The following ELP3 variants were observed in gnomAD, a reference collection of about 807,000 sequenced individuals.
The protein encoded by ELP3 is elongator acetyltransferase complex subunit 3.
ELP3 carries 56 observed loss-of-function variants against 74.9 expected under a neutral mutation model. That is an observed-to-expected ratio of 0.75 (90% CI 0.60 to 0.93). The LOEUF is 0.93. Among genes scored for constraint, ELP3 ranks in the 40% least tolerant of loss-of-function variants. The pLI is 0.00. For missense variants in ELP3, 573 were observed against 686.5 expected (o/e 0.83, Z 1.85); for synonymous variants, 222 against 239.8 (o/e 0.93, Z 0.68).
upstream of ELP3, among the ~76,000 whole-genome samples, chr8:28,090,937 C>T (rs1811035805): frequency 7.3e-6 from 1 of 136,756 alleles, no homozygotes; most frequent in African/African-American, 2.8e-5. Flanking sequence ...GCCGGAGTCT[C>T]ACTGTGTCGC....
chr8:28,150,904 C>G (rs1813617004), intron 10 of ELP3, among the ~76,000 whole-genome samples: 1 of 152,128 alleles, frequency 6.6e-6, no homozygotes, highest in South Asian at 2.1e-4. Flanking sequence ...AGCCATTCTC[C>G]CACCTCAGCC....
In ELP3 at chr8:28,137,781, G is replaced by A; in HGVS notation, c.990G>A (p.Glu330=). 1 of 1,614,098 alleles carries A rather than the reference G, an allele frequency of 6.2e-7. No individual in the cohort carries two copies. Among genetic ancestry groups the A allele is most frequent in the Non-Finnish European group, 8.5e-7 (1 of 1,180,022 alleles). Residue 330 remains glutamate (E), a synonymous_variant, in exon 10 of 15, where the codon GAG becomes GAA. Coordinates refer to ENST00000256398, the MANE Select transcript of ELP3 (RefSeq NM_018091.6). ...TLVIRGTGLY[E]LWKSGRYKSY... is the part of the protein sequence containing the mutation. ...TGATTCGTGGGACCGGGCTTTATGA[G>A]CTTTGGAAATCAGGAAGATATAAGA...
intron 14 of ELP3, among the ~76,000 whole-genome samples, chr8:28,173,209 A>T (rs1814601761): frequency 6.6e-6 from 1 of 152,048 alleles, no homozygotes; most frequent in Non-Finnish European, 1.5e-5. Flanking sequence ...ATTGGTATTA[A>T]TTCTTCAATT....
chr8:28,180,760 A>C (rs181065059), intron 14 of ELP3, among the ~76,000 whole-genome samples: 2 of 152,310 alleles, frequency 1.3e-5, no homozygotes, highest in East Asian at 3.9e-4. Flanking sequence ...TTTATCTAGA[A>C]GATTCCTATC....
At chr8:28,127,059 TTGC>T (rs1234868294) in intron 7 of ELP3, among the ~76,000 whole-genome samples, 1 of 152,218 alleles carries the variant, frequency 6.6e-6, no homozygotes, top group Non-Finnish European at 1.5e-5. Context: ...ACCATTTCTG[TTGC>T]TGCAAAAGGT....
intron 14 of ELP3, among the ~76,000 whole-genome samples, chr8:28,176,993 C>T (rs1225658384): frequency 2.0e-5 from 3 of 152,158 alleles, no homozygotes; most frequent in African/African-American, 4.8e-5. Flanking sequence ...TGTAAGTTAC[C>T]ATGGTAGTAT....
intron 4 of ELP3, among the ~76,000 whole-genome samples, chr8:28,107,290 A>T (rs565838818): frequency 2.0e-5 from 3 of 152,202 alleles, no homozygotes; most frequent in African/African-American, 7.2e-5. Flanking sequence ...ATTTTAATTT[A>T]TTGCAATATA....
intron 7 of ELP3, among the ~76,000 whole-genome samples, chr8:28,125,759 C>CTTTT (rs755484214): frequency 3.4e-4 from 31 of 92,152 alleles, no homozygotes; most frequent in Admixed American, 6.5e-4. Context: ...AGTCATTTCT[C>CTTTT]TTTTTTTTTT....
chr8:28,166,159 G>A (rs1814298270), intron 14 of ELP3, among the ~76,000 whole-genome samples: 1 of 152,152 alleles, frequency 6.6e-6, no homozygotes, highest in African/African-American at 2.4e-5. Flanking sequence ...GAAAAAAGAA[G>A]ATGTGTGAAA....
At chr8:28,160,764 G>A (rs895693151) in intron 13 of ELP3, among the ~76,000 whole-genome samples, 4 of 145,504 alleles carry the variant, frequency 2.7e-5, no homozygotes, top group African/African-American at 1.1e-4. Flanking sequence ...GCGTGATCTT[G>A]GCTCACTGCA....
At chr8:28,188,460 C>A (rs949476894) in intron 14 of ELP3, among the ~76,000 whole-genome samples, 1 of 151,932 alleles carries the variant, frequency 6.6e-6, no homozygotes, top group African/African-American at 2.4e-5. Flanking sequence ...ACCTTCAGCC[C>A]CACCCTCCCT....
At chr8:28,141,231 A>C (rs1444841480) in intron 10 of ELP3, among the ~76,000 whole-genome samples, 1 of 152,210 alleles carries the variant, frequency 6.6e-6, no homozygotes, top group Non-Finnish European at 1.5e-5. Flanking sequence ...AATAGGACAA[A>C]TCACAATTCT....
chr8:28,148,211 A>C (rs1214826212), intron 10 of ELP3, among the ~76,000 whole-genome samples: 1 of 152,216 alleles, frequency 6.6e-6, no homozygotes, highest in African/African-American at 2.4e-5. Context: ...GTAATACTAC[A>C]ATAGCATTAG....
intron 14 of ELP3, among the ~76,000 whole-genome samples, chr8:28,185,689 C>T (rs759801492): frequency 1.3e-5 from 2 of 152,142 alleles, no homozygotes; most frequent in African/African-American, 2.4e-5. Flanking sequence ...ACAGAATGGG[C>T]GGCTGCTGAG....
intron 10 of ELP3, among the ~76,000 whole-genome samples, chr8:28,155,063 T>C (rs954763985): frequency 2.0e-5 from 3 of 152,160 alleles, no homozygotes; most frequent in Non-Finnish European, 4.4e-5. Flanking sequence ...TTTGAAGGGA[T>C]AAGTGAAAAG....
At chr8:28,165,409 C>G (rs2015443) in intron 14 of ELP3, among the ~76,000 whole-genome samples, 221 of 152,052 alleles carry the variant, frequency 1.5e-3, no homozygotes, top group African/African-American at 5.1e-3. Context: ...TTTGTGAATG[C>G]CTGTTAACTT....
At chr8:28,092,561 C>T (rs1563240845), upstream of ELP3, among the ~76,000 whole-genome samples, 2 of 152,068 alleles carry the variant, frequency 1.3e-5, no homozygotes, top group Admixed American at 6.6e-5. Context: ...TTTTCTTTGG[C>T]AGAGTTTAGG....
intron 10 of ELP3, among the ~76,000 whole-genome samples, chr8:28,155,408 T>C (rs1029240972): frequency 6.6e-6 from 1 of 152,212 alleles, no homozygotes; most frequent in Non-Finnish European, 1.5e-5. Flanking sequence ...TTAGGCAAGC[T>C]GTTATTCCTC....
At position 28,144,407 on chromosome 8, in the gene ELP3, C is replaced by T. The variant is rs148130729; in HGVS notation, c.1100+6516C>T. ...GGTAGATCGCTTGAGCCTAGGAGTTCAAGACCAGCCTGGGAAACACGGTGA... is the reference window on the plus strand; with the variant it reads ...GGTAGATCGCTTGAGCCTAGGAGTTTAAGACCAGCCTGGGAAACACGGTGA... On this transcript the variant is annotated intron_variant, in intron 10 of 14. Coordinates refer to ENST00000256398, the MANE Select transcript of ELP3 (RefSeq NM_018091.6). Among the ~76,000 whole-genome samples, 1,480 of 152,254 alleles carry T rather than the reference C, an allele frequency of 9.7e-3. 23 individuals carry two copies. The highest frequency in any genetic ancestry group is 0.033 in the African/African-American group (1,390 of 41,528).
Sources: allele counts gnomAD v4.1 joint callset (sites outside exome capture counted in the v4.1 genomes callset), GRCh38; gene constraint gnomAD v4.1.1; transcripts MANE v1.5; gene names NCBI Gene and HGNC (gene_info 2026-07-23, HGNC 2026-07-21).